MTHFD1: variants seen among roughly 807,000 people sequenced by gnomAD.
MTHFD1 encodes the protein methylenetetrahydrofolate dehydrogenase, cyclohydrolase and formyltetrahydrofolate synthetase 1, also known as C-1-tetrahydrofolate synthase, cytoplasmic.
Under a neutral mutation model 110.3 loss-of-function variants are expected in MTHFD1, and 44 were observed. That is an observed-to-expected ratio of 0.40 (90% CI 0.31 to 0.51). The LOEUF (loss-of-function observed/expected upper bound fraction) is 0.51, where lower values mean the gene tolerates loss of function less well. Among genes scored for constraint, MTHFD1 ranks in the 20% least tolerant of loss-of-function variants. The pLI, the probability that MTHFD1 is intolerant of heterozygous loss-of-function variation, is 0.60. For missense variants in MTHFD1, 909 were observed against 1,173.1 expected (o/e 0.77, Z 3.29); for synonymous variants, 402 against 428.8 (o/e 0.94, Z 0.77).
At chr14:64,429,329 TG>T (rs970830271) in intron 12 of MTHFD1, among the ~76,000 whole-genome samples, 1 of 143,626 alleles carries the variant, frequency 7.0e-6, no homozygotes, top group African/African-American at 2.7e-5. Flanking sequence ...TTTGTTTGTT[TG>T]TTTTTTTTGA....
Position 64,458,096 on chromosome 14 carries a change from GCC to G in MTHFD1, c.2719-116_2719-115del. On this transcript the variant is annotated intron_variant, in intron 26 of 27. Coordinates refer to ENST00000652337, the MANE Select transcript of MTHFD1 (RefSeq NM_005956.4). Reference sequence around the variant, plus strand: ...GTAGAGATGGGGGTCTCACTATGTTGCCCAGGGTGGTTTAGAACTCCTGGCCT... The same window carrying G: ...GTAGAGATGGGGGTCTCACTATGTTGCAGGGTGGTTTAGAACTCCTGGCCT... 4.9e-6 allele frequency: 4 copies of G among 810,728 alleles called. No homozygotes were observed. The South Asian group carries it at 5.3e-5, about 11-fold the overall frequency. The allele number at this position is 810,728 out of a possible 1,614,324, so 50.2% of individuals were successfully genotyped here.
At chr14:64,416,274 C>T (rs577063238) in intron 6 of MTHFD1, among the ~76,000 whole-genome samples, 25 of 152,156 alleles carry the variant, frequency 1.6e-4, no homozygotes, top group Admixed American at 9.8e-4. Flanking sequence ...AACAAACAAA[C>T]AAAACCAGCT....
At chr14:64,441,973 A>G in intron 19 of MTHFD1, 81 bp from the exon 20 acceptor site, 1 of 937,380 alleles carries the variant, frequency 1.1e-6, no homozygotes, top group South Asian at 1.3e-5. Flanking sequence ...CCGATTCCAA[A>G]TCAATTCCAT....
Position 64,431,487 on chromosome 14 carries a change from A to C in MTHFD1, c.1312-45A>C, listed in dbSNP as rs746613307. 5 of 1,502,950 alleles carry C rather than the reference A, an allele frequency of 3.3e-6. No individual in the cohort carries two copies. In the South Asian group the frequency reaches 3.4e-5, roughly 10 times the overall value. The allele number at this position is 1,502,950 out of a possible 1,614,324, so 93.1% of individuals were successfully genotyped here. On this transcript the variant is annotated intron_variant, in intron 13 of 27. Transcript: ENST00000652337. ...TTGCAATAGAATGAAAGTTGGAAAG[A>C]TACAGAGCAGCTGGGAGACTAATGT...
At chr14:64,404,586 T>G (rs1470722564) in intron 2 of MTHFD1, among the ~76,000 whole-genome samples, 1 of 152,242 alleles carries the variant, frequency 6.6e-6, no homozygotes, top group East Asian at 1.9e-4. Context: ...TTCACCCAAG[T>G]TGGACATAGT....
intron 22 of MTHFD1, among the ~76,000 whole-genome samples, chr14:64,447,394 T>G (rs910326071): frequency 3.8e-4 from 57 of 151,476 alleles, no homozygotes; most frequent in African/African-American, 1.3e-3. Context: ...GACCTTGTGA[T>G]CCACCTGCCT....
At chr14:64,446,698 T>C (rs974607080) in intron 22 of MTHFD1, among the ~76,000 whole-genome samples, 9 of 152,092 alleles carry the variant, frequency 5.9e-5, no homozygotes, top group African/African-American at 2.2e-4. Context: ...CCCACCATCA[T>C]GTCCGGCTAA....
chr14:64,427,634 G>A (rs184532463), intron 12 of MTHFD1, among the ~76,000 whole-genome samples, 161 bp downstream of exon 12: 94 of 152,338 alleles, frequency 6.2e-4, no homozygotes, highest in African/African-American at 2.2e-3. Flanking sequence ...GATGAAGGCT[G>A]TCATTGGATC....
At position 64,400,148 on chromosome 14, in the gene MTHFD1, G is replaced by T. The variant is rs552058575; in HGVS notation, c.42-645G>T. Among the ~76,000 whole-genome samples, 5 of 151,746 alleles carry T rather than the reference G, an allele frequency of 3.3e-5. No individual in the cohort carries two copies. In the South Asian group the frequency reaches 1.0e-3, roughly 32 times the overall value. On this transcript the variant is annotated intron_variant, in intron 1 of 27. Coordinates refer to ENST00000652337, the MANE Select transcript of MTHFD1 (RefSeq NM_005956.4). ...TCACGCCTGTAATCCCAGCACTTTG[G>T]GAAGCTGAGGTGGGGGGATCACCTG...
intron 8 of MTHFD1, 74 bp downstream of exon 8, chr14:64,419,999 A>AC: frequency 9.5e-7 from 1 of 1,047,132 alleles, no homozygotes. Flanking sequence ...GAAGCCTGAG[A>AC]GAGAAGCTTG....
Position 64,424,899 on chromosome 14 carries a change from G to T in MTHFD1, c.823G>T (p.Val275Leu). 1 of 1,614,220 alleles carries T rather than the reference G, an allele frequency of 6.2e-7. No homozygotes were observed. The highest frequency in any genetic ancestry group is 8.5e-7 in the Non-Finnish European group (1 of 1,180,042). ...ASFITPVPGG[V>L]GPMTVAMLMQ... The stretch of plus-strand genomic sequence containing the variant: ...CTTCATCACTCCTGTTCCTGGCGGC[G>T]TAGGGCCCATGACAGTTGCAATGCT... The change falls in exon 9 of 28, where the codon GTA becomes TTA. Residue 275 changes from valine (V) to leucine (L), a missense_variant. This residue lies in a region of MTHFD1 where 424 missense variants were observed against 510.4 expected (regional missense o/e 0.83). Coordinates refer to ENST00000652337, the MANE Select transcript of MTHFD1 (RefSeq NM_005956.4).
chr14:64,418,066 G>A (rs757259004), intron 7 of MTHFD1, 42 bp downstream of exon 7: 2 of 1,612,786 alleles, frequency 1.2e-6, no homozygotes, highest in Admixed American at 3.3e-5. Flanking sequence ...ACGGTGGGGA[G>A]GGTGGGTGTG....
chr14:64,443,881 C>G (rs1025500583), intron 21 of MTHFD1, among the ~76,000 whole-genome samples: 2 of 152,178 alleles, frequency 1.3e-5, no homozygotes, highest in African/African-American at 4.8e-5. Context: ...GCCTCCTGCT[C>G]TCATTAGCTT....
chr14:64,442,252 C>A lies in MTHFD1; in HGVS notation c.1997-11C>A. 6.2e-7 allele frequency: 1 copy of A among 1,614,206 alleles called. No individual in the cohort carries two copies. The highest frequency in any genetic ancestry group is 8.5e-7 in the Non-Finnish European group (1 of 1,180,034). On this transcript the variant is annotated splice_polypyrimidine_tract_variant and intron_variant, in intron 20 of 27. Transcript: ENST00000652337. The stretch of plus-strand genomic sequence containing the variant: ...GGGATGGCATTTTTACTGTTGCTTT[C>A]CTCTTTACAGTGACGGAAGCAGGAT...
intron 16 of MTHFD1, 42 bp from the exon 17 acceptor site, chr14:64,439,054 C>A: frequency 6.9e-7 from 1 of 1,456,102 alleles, no homozygotes; most frequent in Non-Finnish European, 9.7e-7. Flanking sequence ...CTTTGTGGTC[C>A]TTTTACTCAA....
At chr14:64,445,141 C>CTCT in intron 22 of MTHFD1, 1 of 287,496 alleles carries the variant, frequency 3.5e-6, no homozygotes, top group South Asian at 3.6e-5. Context: ...CATTATCCAG[C>CTCT]TCAAATGTCG....
chr14:64,419,543 C>T (rs2078053241), intron 7 of MTHFD1, among the ~76,000 whole-genome samples: 1 of 152,182 alleles, frequency 6.6e-6, no homozygotes, highest in South Asian at 2.1e-4. Context: ...GTTTGCCCCT[C>T]TGCCTTGCAG....
At chr14:64,421,831 T>C (rs11622534) in intron 8 of MTHFD1, among the ~76,000 whole-genome samples, 3,207 of 152,226 alleles carry the variant, frequency 0.021, 56 homozygotes, top group Non-Finnish European at 0.034. Context: ...TTCACCATGT[T>C]AGCCAGGATG....
intron 23 of MTHFD1, chr14:64,449,225 G>A (rs2078332727): frequency 2.5e-5 from 15 of 608,094 alleles, no homozygotes; most frequent in Non-Finnish European, 4.2e-5. Flanking sequence ...GTGATTATTC[G>A]CGTATTACCA....
Sources: gnomAD v4.1 joint callset for allele counts (sites outside exome capture counted in the v4.1 genomes callset) on GRCh38, gnomAD v4.1.1 for gene constraint, gnomAD v4.1.1 regional missense constraint, MANE v1.5 for transcripts, NCBI Gene and HGNC (gene_info 2026-07-23, HGNC 2026-07-21) for gene names.